Variants in MORC1 observed in about 807,000 individuals in gnomAD.
MORC1 encodes MORC family CW-type zinc finger 1.
Under a neutral mutation model 134.9 loss-of-function variants are expected in MORC1, and 59 were observed. That is an observed-to-expected ratio of 0.44 (90% CI 0.35 to 0.54). MORC1 has a LOEUF of 0.54. MORC1 is among the 20% of genes least tolerant of loss of function. MORC1 has a pLI of 0.00. For missense variants in MORC1, 947 were observed against 1,134.5 expected (o/e 0.83, Z 2.37); for synonymous variants, 395 against 391.7 (o/e 1.01, Z -0.10).
chr3:109,001,214 C>T (rs1056063143), intron 20 of MORC1, among the ~76,000 whole-genome samples: 3 of 151,988 alleles, frequency 2.0e-5, no homozygotes, highest in African/African-American at 7.2e-5. Context: ...CTCACTGCAA[C>T]CTCCACCTTC....
At chr3:109,068,192 CAAG>C (rs1274100047) in intron 9 of MORC1, among the ~76,000 whole-genome samples, 3 of 152,270 alleles carry the variant, frequency 2.0e-5, no homozygotes, top group African/African-American at 7.2e-5. Flanking sequence ...GTCCTCAAAA[CAAG>C]AATTAATCTT....
chr3:109,034,055 T>G (rs1949312566), intron 15 of MORC1, among the ~76,000 whole-genome samples: 1 of 152,190 alleles, frequency 6.6e-6, no homozygotes, highest in African/African-American at 2.4e-5. Flanking sequence ...CAATTATACC[T>G]TCTAAGTAAC....
intron 16 of MORC1, among the ~76,000 whole-genome samples, chr3:109,031,920 C>T (rs1949249749): frequency 1.3e-5 from 2 of 152,280 alleles, no homozygotes; most frequent in African/African-American, 4.8e-5. Context: ...CCCTTTGCCA[C>T]CTCTGACATT....
chr3:108,987,217 G>T (rs764173969), intron 21 of MORC1, among the ~76,000 whole-genome samples: 2 of 152,146 alleles, frequency 1.3e-5, no homozygotes, highest in Admixed American at 6.6e-5. Context: ...TATTTGTGCA[G>T]ATATTTTAAA....
chr3:108,989,946 C>A (rs1364407691), intron 21 of MORC1, among the ~76,000 whole-genome samples: 3 of 152,136 alleles, frequency 2.0e-5, no homozygotes, highest in Non-Finnish European at 4.4e-5. Flanking sequence ...ATGGGAGGGA[C>A]CTGGTGGGAG....
In MORC1 at chr3:109,063,345, T is replaced by C. The variant is rs1037519320; in HGVS notation, c.816-114A>G. ...GAGATACATAATTATTAAGAAAGATTCATCGAGTGAGTTGCATCCAGCTGG... is the reference window on the plus strand; with the variant it reads ...GAGATACATAATTATTAAGAAAGATCCATCGAGTGAGTTGCATCCAGCTGG... On this transcript the variant is annotated intron_variant, in intron 9 of 27. Coordinates refer to ENST00000232603, the MANE Select transcript of MORC1 (RefSeq NM_014429.4). The C allele has an allele frequency of 4.4e-5, 26 of 589,430 alleles. No individual in the cohort carries two copies. The African/African-American group carries it at 4.8e-4, about 11-fold the overall frequency. The allele number at this position is 589,430 out of a possible 1,614,324, so 36.5% of individuals were successfully genotyped here.
chr3:109,071,452 T>A (rs2107711496), intron 8 of MORC1, among the ~76,000 whole-genome samples: 1 of 152,294 alleles, frequency 6.6e-6, no homozygotes, highest in African/African-American at 2.4e-5. Flanking sequence ...TTGGGGATCT[T>A]CAAGGTCTCC....
At chr3:109,082,797 A>G (rs1241595954) in intron 8 of MORC1, among the ~76,000 whole-genome samples, 1 of 152,174 alleles carries the variant, frequency 6.6e-6, no homozygotes, top group Non-Finnish European at 1.5e-5. Flanking sequence ...TTACCTCGAA[A>G]GACCAATCTA....
At chr3:109,106,678 G>C (rs1017046378) in intron 3 of MORC1, among the ~76,000 whole-genome samples, 1 of 151,960 alleles carries the variant, frequency 6.6e-6, no homozygotes. Flanking sequence ...CCCCTCACAC[G>C]GGCAACCATC....
At chr3:109,099,966 G>A (rs376788379) in intron 5 of MORC1, among the ~76,000 whole-genome samples, 2 of 152,152 alleles carry the variant, frequency 1.3e-5, no homozygotes, top group African/African-American at 4.8e-5. Flanking sequence ...GTTATGGGCC[G>A]GGCGTGGTGG....
chr3:109,037,539 C>T (rs754946315), intron 14 of MORC1, among the ~76,000 whole-genome samples: 3 of 152,140 alleles, frequency 2.0e-5, no homozygotes, highest in South Asian at 4.1e-4. Flanking sequence ...TTTGCTGCAC[C>T]CATCAACTCG....
intron 14 of MORC1, among the ~76,000 whole-genome samples, chr3:109,050,338 G>A (rs776577485): frequency 1.2e-4 from 19 of 152,172 alleles, no homozygotes; most frequent in Non-Finnish European, 1.8e-4. Flanking sequence ...TGGGAAGTCC[G>A]AGTTCAAGGC....
At chr3:108,980,503 TAA>T (rs897013325) in intron 23 of MORC1, among the ~76,000 whole-genome samples, 1 of 152,166 alleles carries the variant, frequency 6.6e-6, no homozygotes, top group African/African-American at 2.4e-5. Flanking sequence ...AGGCCCCCTT[TAA>T]AAGTGTCCAC....
At chr3:109,085,292 CAAAGA>C (rs1365833361) in intron 8 of MORC1, among the ~76,000 whole-genome samples, 1 of 151,896 alleles carries the variant, frequency 6.6e-6, no homozygotes, top group Non-Finnish European at 1.5e-5. Flanking sequence ...TTCTGCAAAG[CAAAGA>C]AGATAGTCAA....
intron 15 of MORC1, 56 bp from the exon 16 acceptor site, chr3:109,032,881 T>C: frequency 8.6e-7 from 1 of 1,157,300 alleles, no homozygotes; most frequent in East Asian, 2.4e-5. Context: ...TCTATCATAG[T>C]AAGATGTCAG....
chr3:109,033,643 A>T (rs1014802878), intron 15 of MORC1, among the ~76,000 whole-genome samples: 11 of 152,156 alleles, frequency 7.2e-5, no homozygotes, highest in Non-Finnish European at 1.3e-4. Flanking sequence ...CACCTCTATG[A>T]TCTTGGACAA....
rs1185117347 is a variant in MORC1, at chr3:109,057,398, T to G, written c.1120A>C (p.Asn374His). 2 of 1,612,338 alleles carry G rather than the reference T, an allele frequency of 1.2e-6. No individual in the cohort carries two copies. Among genetic ancestry groups the G allele is most frequent in the Non-Finnish European group, 1.7e-6 (2 of 1,179,128 alleles). The change falls in exon 13 of 28, where the codon AAC (asparagine) becomes CAC (histidine). Residue 374 changes from asparagine to histidine, a missense_variant. This residue lies in a region of MORC1 where 722 missense variants were observed against 817.0 expected (regional missense o/e 0.88). Coordinates refer to ENST00000232603, the MANE Select transcript of MORC1 (RefSeq NM_014429.4). ...SQAGMFIYSN[N>H]RLIKMHEKVG... ...TTTTCATGCATTTTGATCAAACGGT[T>G]ATTACTGTAAATGAACATTCCAGCT...
intron 8 of MORC1, among the ~76,000 whole-genome samples, chr3:109,077,249 A>G (rs1950441224): frequency 6.6e-6 from 1 of 152,188 alleles, no homozygotes; most frequent in South Asian, 2.1e-4. Flanking sequence ...TCGGGATATA[A>G]TAAAGCAAAT....
intron 16 of MORC1, among the ~76,000 whole-genome samples, chr3:109,028,317 T>C (rs1949141301): frequency 6.6e-6 from 1 of 152,174 alleles, no homozygotes; most frequent in African/African-American, 2.4e-5. Flanking sequence ...ATGGATTATC[T>C]GTTTAATAAC....
Sources: allele counts gnomAD v4.1 joint callset (sites outside exome capture counted in the v4.1 genomes callset), GRCh38; gene constraint gnomAD v4.1.1; regional missense constraint gnomAD v4.1.1; transcripts MANE v1.5; gene names NCBI Gene and HGNC (gene_info 2026-07-23, HGNC 2026-07-21).